The following MKLN1 variants were observed in gnomAD, a reference collection of about 807,000 sequenced individuals.
MKLN1 encodes muskelin.
A neutral mutation model predicts 99.0 loss-of-function variants in MKLN1; 18 were observed. The observed-to-expected ratio is 0.18, with a 90% CI of 0.13 to 0.27. The LOEUF (loss-of-function observed/expected upper bound fraction) is 0.27. MKLN1 is among the 10% of genes least tolerant of loss of function. MKLN1 has a pLI of 1.00. For synonymous variants in MKLN1, 288 were observed against 293.2 expected (o/e 0.98, Z 0.18); for missense variants, 621 against 875.9 (o/e 0.71, Z 3.67).
chr7:131,221,944 C>A (rs867063030), intron 3 of MKLN1, among the ~76,000 whole-genome samples: 1 of 152,030 alleles, frequency 6.6e-6, no homozygotes, highest in Non-Finnish European at 1.5e-5. Context: ...GTTGCTCTGT[C>A]GCCCAGGCTG....
chr7:131,156,875 A>G (rs1377492100), intron 2 of MKLN1, among the ~76,000 whole-genome samples: 4 of 152,198 alleles, frequency 2.6e-5, no homozygotes, highest in Admixed American at 6.5e-5. Context: ...GATGAGTTCT[A>G]ACCATAATCT....
At chr7:131,389,070 T>A in intron 4 of MKLN1, 98 bp downstream of exon 4, 1 of 670,206 alleles carries the variant, frequency 1.5e-6, no homozygotes, top group Non-Finnish European at 2.5e-6. Context: ...CTTGTTTTTT[T>A]AAATACAATT....
intron 2 of MKLN1, among the ~76,000 whole-genome samples, chr7:131,187,195 C>T (rs1182480275): frequency 6.6e-6 from 1 of 152,208 alleles, no homozygotes; most frequent in African/African-American, 2.4e-5. Context: ...AATAAGCAGT[C>T]ATGGACGAAG....
rs1449317645 is a variant in MKLN1 at position 131,305,364 on chromosome 7, A to G, written c.-178-70060A>G. On this transcript the variant is annotated intron_variant, in intron 3 of 7. Transcript: ENST00000416992. ...CCTTTAGTAATATTATTATTTGACA[A>G]TTTGAACAGTACTATAGAGTTTACT... Among the ~76,000 whole-genome samples, 5 of 152,178 alleles carry G rather than the reference A, an allele frequency of 3.3e-5. No individual in the cohort carries two copies. The East Asian group carries it at 7.7e-4, about 23-fold the overall frequency.
chr7:131,329,441 T>C (rs1005215652), intron 1 of MKLN1, among the ~76,000 whole-genome samples: 1 of 152,224 alleles, frequency 6.6e-6, no homozygotes, highest in Non-Finnish European at 1.5e-5. Context: ...TAGTTGGAGT[T>C]GAAATGTGGC....
intron 2 of MKLN1, among the ~76,000 whole-genome samples, chr7:131,202,181 G>A (rs940043342): frequency 2.1e-5 from 1 of 47,130 alleles, no homozygotes; most frequent in Admixed American, 2.6e-4. Flanking sequence ...TTTTTTTTGA[G>A]ATGTTGTCTT....
At chr7:131,146,851 A>T (rs1270510912) in intron 2 of MKLN1, among the ~76,000 whole-genome samples, 2 of 152,212 alleles carry the variant, frequency 1.3e-5, no homozygotes, top group Admixed American at 1.3e-4. Flanking sequence ...CCAATGTGTG[A>T]AGGATGCAGA....
chr7:131,411,906 C>CAAAAAAAAAAAAAAAAAAAAAAAAAA lies in MKLN1; in HGVS notation c.781+529_781+554dup, dbSNP rs34182914. ...TGGGAGACAGATGGAGATTCCATCT[C>CAAAAAAAAAAAAAAAAAAAAAAAAAA]AAAAAAAAAAAAAAAAAAAAAAAAA... On this transcript the variant is annotated intron_variant, in intron 7 of 17. Coordinates refer to ENST00000352689, the MANE Select transcript of MKLN1 (RefSeq NM_013255.5). 2.3e-4 allele frequency among the ~76,000 whole-genome samples: 12 copies of CAAAAAAAAAAAAAAAAAAAAAAAAAA among 53,106 alleles called. 4 individuals are homozygous for CAAAAAAAAAAAAAAAAAAAAAAAAAA. The highest frequency in any genetic ancestry group is 3.1e-4 in the Non-Finnish European group (9 of 28,754). The allele number at this position is 53,106 out of a possible 152,430, so 34.8% of individuals were successfully genotyped here. A position where few individuals can be genotyped will look rare whatever the true frequency, so the allele number is the denominator to read the frequency against.
chr7:131,138,003 G>T (rs916312377), intron 1 of MKLN1, among the ~76,000 whole-genome samples: 1 of 141,676 alleles, frequency 7.1e-6, no homozygotes, highest in Non-Finnish European at 1.5e-5. Context: ...TCGGCTCACC[G>T]CAACCTCCGC....
At chr7:131,457,561 AAGAT>A (rs1274399079) in intron 12 of MKLN1, among the ~76,000 whole-genome samples, 2 of 152,184 alleles carry the variant, frequency 1.3e-5, no homozygotes, top group African/African-American at 2.4e-5. Flanking sequence ...GAAACTAAGA[AAGAT>A]AGAGAATTGT....
At chr7:131,195,232 C>T (rs571385063) in intron 2 of MKLN1, among the ~76,000 whole-genome samples, 27 of 152,092 alleles carry the variant, frequency 1.8e-4, no homozygotes, top group African/African-American at 5.8e-4. Context: ...GACAGTGGGC[C>T]GGGCACGGTG....
chr7:131,258,785 A>G (rs1415680945), intron 3 of MKLN1, among the ~76,000 whole-genome samples: 1 of 152,184 alleles, frequency 6.6e-6, no homozygotes, highest in Non-Finnish European at 1.5e-5. Flanking sequence ...TCTATTCATG[A>G]AAAAGAGTAA....
chr7:131,154,085 T>C lies in MKLN1; in HGVS notation c.-297+11144T>C, dbSNP rs571081245. ...AGGTCAGAAGGGATATATATGTAAA[T>C]GTATATACATACACGCATATATGCA... On this transcript the variant is annotated intron_variant, in intron 2 of 7. Transcript: ENST00000416992. 3.9e-5 allele frequency among the ~76,000 whole-genome samples: 6 copies of C among 152,290 alleles called. No homozygotes were observed. The South Asian group carries it at 6.2e-4, about 16-fold the overall frequency.
At chr7:131,464,444 G>A in intron 14 of MKLN1, 36 bp downstream of exon 14, 2 of 1,252,642 alleles carry the variant, frequency 1.6e-6, no homozygotes, top group South Asian at 1.3e-5. Context: ...ACTTTCCATG[G>A]CCTACTATCT....
At chr7:131,330,370 G>A (rs1347495709) in intron 1 of MKLN1, among the ~76,000 whole-genome samples, 1 of 152,194 alleles carries the variant, frequency 6.6e-6, no homozygotes, top group African/African-American at 2.4e-5. Context: ...TAATAAATCA[G>A]TAACAAAAAT....
At chr7:131,167,414 G>A (rs903859575) in intron 2 of MKLN1, among the ~76,000 whole-genome samples, 5 of 152,186 alleles carry the variant, frequency 3.3e-5, no homozygotes, top group African/African-American at 4.8e-5. Context: ...GCTTATGCCT[G>A]TAATCCCAGC....
At chr7:131,138,244 A>G (rs1443867589) in intron 1 of MKLN1, among the ~76,000 whole-genome samples, 4 of 152,136 alleles carry the variant, frequency 2.6e-5, no homozygotes, top group Non-Finnish European at 5.9e-5. Context: ...ACACATGAAC[A>G]TTTTGGTCCT....
At chr7:131,327,796 GGGCGGCCGGGGAGGGC>G, upstream of MKLN1, 4 of 1,456,022 alleles carry the variant, frequency 2.7e-6, no homozygotes, top group South Asian at 5.6e-5. Context: ...CGGGGAGCGC[GGGCGGCCGGGGAGGGC>G]GGCGGCCCCT....
intron 1 of MKLN1, among the ~76,000 whole-genome samples, chr7:131,374,996 T>G (rs1450500532): frequency 6.6e-6 from 1 of 151,578 alleles, no homozygotes; most frequent in Non-Finnish European, 1.5e-5. Context: ...GGAGTTGCTA[T>G]TCACAGACAT....
Sources: gnomAD v4.1 joint callset for allele counts (sites outside exome capture counted in the v4.1 genomes callset) on GRCh38, gnomAD v4.1.1 for gene constraint, MANE v1.5 for transcripts, NCBI Gene and HGNC (gene_info 2026-07-23, HGNC 2026-07-21) for gene names.